AVPI1: variants seen among roughly 807,000 people sequenced by gnomAD.
AVPI1 encodes arginine vasopressin induced 1, also known as arginine vasopressin-induced protein 1.
A neutral mutation model predicts 11.9 loss-of-function variants in AVPI1; 9 were observed. That is an observed-to-expected ratio of 0.76 (90% CI 0.46 to 1.32). The LOEUF (loss-of-function observed/expected upper bound fraction) is 1.32, where lower values mean the gene tolerates loss of function less well. AVPI1 is among the 40% of genes most tolerant of loss of function. The probability of loss-of-function intolerance (pLI) is 0.00; values close to 1 mark genes in which losing one functional copy is unlikely to be tolerated. For synonymous variants in AVPI1, 68 were observed against 78.1 expected, an observed-to-expected ratio of 0.87 and a Z score of 0.68; for missense variants, 207 against 195.8, an observed-to-expected ratio of 1.06 and a Z score of -0.34.
intron 1 of AVPI1, among the ~76,000 whole-genome samples, chr10:97,681,957 A>G (rs2041707300): frequency 6.6e-6 from 1 of 152,106 alleles, no homozygotes; most frequent in Non-Finnish European, 1.5e-5. Flanking sequence ...ACAAATAAAA[A>G]ATAGATACAT....
chr10:97,682,958 TAAAAA>T (rs1415016609), intron 1 of AVPI1, among the ~76,000 whole-genome samples: 1 of 152,140 alleles, frequency 6.6e-6, no homozygotes, highest in Non-Finnish European at 1.5e-5. Flanking sequence ...TTTAGGCTGA[TAAAAA>T]GAAAAGCTAA....
chr10:97,677,683 T>A lies in AVPI1; in HGVS notation c.*186A>T, dbSNP rs1248179300. 1.6e-6 allele frequency: 1 copy of A among 627,602 alleles called. No homozygotes were observed. Among genetic ancestry groups the A allele is most frequent in the South Asian group, 2.1e-5 (1 of 46,536 alleles). The allele number at this position is 627,602 out of a possible 1,614,324, so 38.9% of individuals were successfully genotyped here. A position where few individuals can be genotyped will look rare whatever the true frequency, so the allele number is the denominator to read the frequency against. ...TGTCTCTCCTCATTTTGGTGAGGAA[T>A]GGGTCCCACATAATGGAGAGCTCAA... On this transcript the variant is annotated 3_prime_UTR_variant, in exon 3 of 3. Transcript: ENST00000370626.
intron 1 of AVPI1, among the ~76,000 whole-genome samples, chr10:97,685,087 G>T (rs1485618434): frequency 1.3e-5 from 2 of 152,090 alleles, no homozygotes; most frequent in African/African-American, 4.8e-5. Context: ...AAACCATGGG[G>T]CTATTAAAAG....
Position 97,679,762 on chromosome 10 carries a change from G to A in AVPI1, c.144C>T (p.Asp48=). The change falls in exon 2 of 3, where the codon GAC becomes GAT. Residue 48 remains aspartate (D), a synonymous_variant. Transcript: ENST00000370626. ...TCTGTGCCCGTTCCTCGGCCAGCTG[G>A]TCCCCGCTGCGTTGAAACAGGGCTT... is the stretch of plus-strand genomic sequence containing the variant. The part of the protein sequence containing the change: ...QIQALFQRSG[D]QLAEERAQII... 1.2e-6 allele frequency: 2 copies of A among 1,614,092 alleles called. No homozygotes were observed. Among genetic ancestry groups the A allele is most frequent in the Non-Finnish European group, 1.7e-6 (2 of 1,180,014 alleles).
chr10:97,678,434 G>T (rs1025197586), intron 2 of AVPI1, among the ~76,000 whole-genome samples: 1 of 152,180 alleles, frequency 6.6e-6, no homozygotes, highest in Admixed American at 6.5e-5. Flanking sequence ...GGGCCCCAGA[G>T]AAGGCAGCAG....
chr10:97,677,605 A>C lies in AVPI1; in HGVS notation c.*264T>G, dbSNP rs1564779262. The C allele has an allele frequency of 1.7e-5, 7 of 411,922 alleles. No homozygotes were observed. The South Asian group carries it at 2.6e-4, about 15-fold the overall frequency. 25.5% of individuals were successfully genotyped at this position (411,922 alleles called of 1,614,324 possible). Reference sequence around the variant, plus strand: ...GTCACTTTGCTCCCAGGGGAATATCATGCAGCCCAGGAATAGTGTTAGACT... The same window carrying C: ...GTCACTTTGCTCCCAGGGGAATATCCTGCAGCCCAGGAATAGTGTTAGACT... On this transcript the variant is annotated 3_prime_UTR_variant, in exon 3 of 3. Coordinates refer to ENST00000370626, the MANE Select transcript of AVPI1 (RefSeq NM_021732.3).
intron 1 of AVPI1, among the ~76,000 whole-genome samples, chr10:97,680,885 G>C (rs796351106): frequency 2.9e-4 from 44 of 152,360 alleles, no homozygotes; most frequent in African/African-American, 1.1e-3. Flanking sequence ...GTCAAGGGCA[G>C]AGACTGAAAC....
Position 97,679,683 on chromosome 10 carries a change from G to T in AVPI1, c.223C>A (p.Arg75Ser). 1 of 1,613,972 alleles carries T rather than the reference G, an allele frequency of 6.2e-7. No homozygotes were observed. Among genetic ancestry groups the T allele is most frequent in the Non-Finnish European group, 8.5e-7 (1 of 1,179,974 alleles). The change falls in exon 2 of 3, where the codon CGC becomes AGC. Residue 75 changes from arginine (R) to serine (S), a missense_variant. By Grantham distance (110) the Arg-to-Ser change is moderately radical. Coordinates refer to ENST00000370626, the MANE Select transcript of AVPI1 (RefSeq NM_021732.3). ...TTCTGCCTTGGGGGCCTCTTCCTGC[G>T]CAGCCTCTTGAGGGCCTCAGCCACA... ...HRVAEALKRL[R>S]RKRPPRQKPL...
At chr10:97,678,926 TGTGTGTGTGTGTGTGTGTGTGTGTGTG>T (rs2041684122) in intron 2 of AVPI1, among the ~76,000 whole-genome samples, 2 of 18,730 alleles carry the variant, frequency 1.1e-4, no homozygotes, top group African/African-American at 1.9e-4. Context: ...TGTGTGTGTG[TGTGTGTGTGTGTGTGTGTGTGTGTGTG>T]TGTGTGTGTG....
rs2041735100 is a variant in AVPI1, at chr10:97,687,116, C to G, written c.-361G>C. ...CGAGCTGGGCCGCCGACCTACGTAC[C>G]TGGTTGCTTGAGGCAGGCCGCACGC... On this transcript the variant is annotated 5_prime_UTR_variant, in exon 1 of 3. Transcript: ENST00000370626. 1 of 152,356 alleles carries G rather than the reference C, an allele frequency of 6.6e-6. No individual in the cohort carries two copies. Among genetic ancestry groups the G allele is most frequent in the African/African-American group, 2.4e-5 (1 of 41,468 alleles). The allele number at this position is 152,356 out of a possible 1,614,324, so 9.4% of individuals were successfully genotyped here.
At chr10:97,678,937 G>GCCA in intron 2 of AVPI1, among the ~76,000 whole-genome samples, 1 of 49,216 alleles carries the variant, frequency 2.0e-5, no homozygotes, top group African/African-American at 8.7e-5. Flanking sequence ...GTGTGTGTGT[G>GCCA]TGTGTGTGTG....
In AVPI1 at chr10:97,686,868, T is replaced by TCTGGGCTTCTTG. The variant is rs6144043; in HGVS notation, c.-114_-113insCAAGAAGCCCAG. ...AGCCTTCAGAAAGGGCAGGCGCAGC[T>TCTGGGCTTCTTG]CTGCGAAGGTGCTTACAAGGGCCAG... On this transcript the variant is annotated 5_prime_UTR_variant, in exon 1 of 3. Transcript: ENST00000370626. The TCTGGGCTTCTTG allele has an allele frequency of 6.6e-6, 1 of 152,352 alleles. No homozygotes were observed. Among genetic ancestry groups the TCTGGGCTTCTTG allele is most frequent in the Non-Finnish European group, 1.5e-5 (1 of 68,176 alleles). 9.4% of individuals were successfully genotyped at this position (152,352 alleles called of 1,614,324 possible). A position where few individuals can be genotyped will look rare whatever the true frequency, so the allele number is the denominator to read the frequency against.
intron 2 of AVPI1, among the ~76,000 whole-genome samples, chr10:97,679,164 A>G (rs1167864581): frequency 7.3e-6 from 1 of 137,684 alleles, no homozygotes; most frequent in East Asian, 2.1e-4. Context: ...TTTTTGAGAC[A>G]GAGTCTCGCT....
chr10:97,678,151 C>T, intron 2 of AVPI1, 126 bp from the exon 3 acceptor site: 1 of 1,043,288 alleles, frequency 9.6e-7, no homozygotes, highest in Non-Finnish European at 1.4e-6. Context: ...GGGCTCTGCT[C>T]TGGTCTTTCC....
intron 1 of AVPI1, among the ~76,000 whole-genome samples, chr10:97,681,733 C>T (rs1182047394): frequency 6.9e-6 from 1 of 143,990 alleles, no homozygotes; most frequent in Non-Finnish European, 1.6e-5. Flanking sequence ...AAAAAATTAG[C>T]CGGGCGCGGT....
In AVPI1 at chr10:97,678,942, T is replaced by A. The variant is rs2041684709; in HGVS notation, c.287+677A>T. Reference sequence around the variant, plus strand: ...GTGTGTGTGTGTGTGTGTGTGTGTGTGTGTGTGTGTGTGTGTGTGTGTGTG... The same window carrying A: ...GTGTGTGTGTGTGTGTGTGTGTGTGAGTGTGTGTGTGTGTGTGTGTGTGTG... On this transcript the variant is annotated intron_variant, in intron 2 of 2. Transcript: ENST00000370626. Among the ~76,000 whole-genome samples, 8 of 51,966 alleles carry A rather than the reference T, an allele frequency of 1.5e-4. 1 individual carries two copies. The highest frequency in any genetic ancestry group is 1.3e-3 in the East Asian group (2 of 1,558). The allele number at this position is 51,966 out of a possible 152,430, so 34.1% of individuals were successfully genotyped here.
intron 1 of AVPI1, among the ~76,000 whole-genome samples, chr10:97,686,235 A>G (rs571631426): frequency 2.0e-5 from 3 of 152,332 alleles, no homozygotes; most frequent in African/African-American, 2.4e-5. Context: ...CAGACATTCT[A>G]TGCATGCTGG....
rs201346860 is a variant in AVPI1, at chr10:97,679,758, G to A, written c.148C>T (p.Leu50=). The change falls in exon 2 of 3, where the codon CTG becomes TTG. Residue 50 remains leucine, a synonymous_variant. Transcript: ENST00000370626. The part of the protein sequence containing the change: ...QALFQRSGDQ[L]AEERAQIIWE... The stretch of plus-strand genomic sequence containing the variant: ...ATGATCTGTGCCCGTTCCTCGGCCA[G>A]CTGGTCCCCGCTGCGTTGAAACAGG... 17 of 1,614,122 alleles carry A rather than the reference G, an allele frequency of 1.1e-5. No homozygotes were observed. The East Asian group carries it at 3.8e-4, about 36-fold the overall frequency.
intron 1 of AVPI1, among the ~76,000 whole-genome samples, chr10:97,682,607 C>T (rs916176773): frequency 2.0e-5 from 3 of 151,990 alleles, no homozygotes; most frequent in African/African-American, 7.3e-5. Flanking sequence ...TATGACTCCC[C>T]CCCTTGCCCT....
Sources: gnomAD v4.1 joint callset for allele counts (sites outside exome capture counted in the v4.1 genomes callset) on GRCh38, gnomAD v4.1.1 for gene constraint, MANE v1.5 for transcripts, NCBI Gene and HGNC (gene_info 2026-07-23, HGNC 2026-07-21) for gene names.